The following NPAS2 variants were observed in gnomAD, a reference collection of about 807,000 sequenced individuals.
NPAS2 encodes the protein neuronal PAS domain-containing protein 2.
NPAS2 carries 23 observed loss-of-function variants against 107.5 expected under a neutral mutation model. The ratio of observed to expected loss-of-function variants is 0.21; its 90% CI spans 0.15 to 0.30. The LOEUF (loss-of-function observed/expected upper bound fraction) is 0.30, where lower values mean the gene tolerates loss of function less well. NPAS2 is among the 10% of genes least tolerant of loss of function. The pLI, the probability that NPAS2 is intolerant of heterozygous loss-of-function variation, is 1.00. For missense variants in NPAS2, 756 were observed against 1,043.3 expected (o/e 0.72, Z 3.79); for synonymous variants, 403 against 417.5 (o/e 0.97, Z 0.42).
intron 14 of NPAS2, 40 bp downstream of exon 14, chr2:100,975,607 A>G (rs377634917): frequency 8.1e-5 from 118 of 1,450,414 alleles, no homozygotes; most frequent in Non-Finnish European, 1.1e-4. Flanking sequence ...GGTGTACGCT[A>G]CAATGTGGTG....
At chr2:100,955,556 C>T (rs951592777) in intron 7 of NPAS2, among the ~76,000 whole-genome samples, 28 of 152,150 alleles carry the variant, frequency 1.8e-4, no homozygotes, top group African/African-American at 5.3e-4. Context: ...ATAGAGTGCA[C>T]TTATATGCAG....
At chr2:100,933,507 G>T (rs1200909366) in intron 4 of NPAS2, among the ~76,000 whole-genome samples, 2 of 152,152 alleles carry the variant, frequency 1.3e-5, no homozygotes, top group African/African-American at 4.8e-5. Flanking sequence ...CAGGGATCCC[G>T]TGCCTCCCCA....
chr2:100,857,731 C>A (rs572015116), intron 1 of NPAS2, among the ~76,000 whole-genome samples: 1 of 152,352 alleles, frequency 6.6e-6, no homozygotes, highest in Admixed American at 6.5e-5. Flanking sequence ...TCTGTGCACC[C>A]GGCGTCTGCT....
intron 7 of NPAS2, 128 bp downstream of exon 7, chr2:100,949,608 C>T (rs3739005): frequency 0.52 from 325,247 of 625,044 alleles, 85,598 homozygotes; most frequent in Middle Eastern, 0.64. Flanking sequence ...TTTGAATTTT[C>T]GAGTTCCCAG....
At chr2:100,952,623 A>G in intron 7 of NPAS2, among the ~76,000 whole-genome samples, 1 of 152,142 alleles carries the variant, frequency 6.6e-6, no homozygotes, top group East Asian at 1.9e-4. Context: ...GGCGAACAGC[A>G]GTTGTATCCT....
At chr2:100,916,114 T>A (rs1230824145) in intron 2 of NPAS2, among the ~76,000 whole-genome samples, 1 of 151,542 alleles carries the variant, frequency 6.6e-6, no homozygotes, top group East Asian at 1.9e-4. Context: ...AAACAATAGA[T>A]AAATTAAAAT....
In NPAS2 at chr2:100,901,663, C is replaced by T. The variant is rs149799063; in HGVS notation, c.-22-3070C>T. On this transcript the variant is annotated intron_variant, in intron 1 of 20. Transcript: ENST00000335681. ...CCCTTCTTGTCCCTTCACTGAAGGC[C>T]GCCTCCTATGGGACACACTCCTTCC... 9.0e-4 allele frequency: 432 copies of T among 479,308 alleles called. 2 individuals are homozygous for T. Among genetic ancestry groups the T allele is most frequent in the African/African-American group, 8.5e-3 (404 of 47,514 alleles). The allele number at this position is 479,308 out of a possible 1,614,324, so 29.7% of individuals were successfully genotyped here. A position where few individuals can be genotyped will look rare whatever the true frequency, so the allele number is the denominator to read the frequency against.
At chr2:100,971,560 C>T (rs1326309198) in intron 12 of NPAS2, among the ~76,000 whole-genome samples, 1 of 152,200 alleles carries the variant, frequency 6.6e-6, no homozygotes, top group Non-Finnish European at 1.5e-5. Flanking sequence ...ACTGCCCTCA[C>T]GCCACTCTCC....
At chr2:100,868,090 A>G (rs1339122946) in intron 1 of NPAS2, among the ~76,000 whole-genome samples, 1 of 152,190 alleles carries the variant, frequency 6.6e-6, no homozygotes, top group Non-Finnish European at 1.5e-5. Flanking sequence ...GAAGCACACT[A>G]TATTTCCTCA....
rs760255062 is a variant in NPAS2, at chr2:100,937,856, C to A, written c.363+14C>A. Reference sequence around the variant, plus strand: ...GGGCATTTACCGGTGAGTTTCCACTCCAATGGCCTTTACCGGTTCACGTTA... The same window carrying A: ...GGGCATTTACCGGTGAGTTTCCACTACAATGGCCTTTACCGGTTCACGTTA... On this transcript the variant is annotated intron_variant, in intron 5 of 20. Coordinates refer to ENST00000335681, the MANE Select transcript of NPAS2 (RefSeq NM_002518.4). The A allele has an allele frequency of 3.8e-6, 6 of 1,569,470 alleles. No homozygotes were observed. The highest frequency in any genetic ancestry group is 5.3e-6 in the Non-Finnish European group (6 of 1,139,222).
chr2:100,893,792 G>A (rs554219173), intron 1 of NPAS2, among the ~76,000 whole-genome samples: 16 of 152,304 alleles, frequency 1.1e-4, no homozygotes, highest in South Asian at 8.3e-4. Context: ...TCATTTACAT[G>A]TTGTCTATGG....
chr2:100,922,098 G>A (rs539392920), intron 2 of NPAS2, among the ~76,000 whole-genome samples: 23 of 152,292 alleles, frequency 1.5e-4, no homozygotes, highest in African/African-American at 5.5e-4. Flanking sequence ...TACACTACCA[G>A]CAGATCAGTG....
intron 1 of NPAS2, among the ~76,000 whole-genome samples, chr2:100,883,069 C>G (rs569497666): frequency 6.6e-6 from 1 of 152,204 alleles, no homozygotes; most frequent in Non-Finnish European, 1.5e-5. Context: ...AACAGCTCCA[C>G]AGCAGTGTCT....
At chr2:100,863,332 G>C (rs1679055423) in intron 1 of NPAS2, among the ~76,000 whole-genome samples, 1 of 152,174 alleles carries the variant, frequency 6.6e-6, no homozygotes, top group South Asian at 2.1e-4. Flanking sequence ...GGGTTGCTTG[G>C]TTGATTAGTT....
chr2:100,893,038 A>G (rs1468057447), intron 1 of NPAS2, among the ~76,000 whole-genome samples: 1 of 152,160 alleles, frequency 6.6e-6, no homozygotes, highest in Non-Finnish European at 1.5e-5. Context: ...ATCTTTTCTC[A>G]CTGAATGAAT....
In NPAS2 at chr2:100,864,416, C is replaced by T. The variant is rs1278080694; in HGVS notation, c.-22-40317C>T. On this transcript the variant is annotated intron_variant, in intron 1 of 20. Transcript: ENST00000335681. ...TAATAATATTCGGATATAAATAAAGCCTCTCCCGCATTTAATGGTGCTGGG... is the reference window on the plus strand; with the variant it reads ...TAATAATATTCGGATATAAATAAAGTCTCTCCCGCATTTAATGGTGCTGGG... Among the ~76,000 whole-genome samples the T allele has an allele frequency of 2.0e-5, 3 of 152,134 alleles. No individual in the cohort carries two copies. The East Asian group carries it at 5.8e-4, about 29-fold the overall frequency.
chr2:100,967,545 G>A (rs551314012), intron 10 of NPAS2, among the ~76,000 whole-genome samples: 2 of 152,186 alleles, frequency 1.3e-5, no homozygotes, highest in African/African-American at 2.4e-5. Flanking sequence ...CTTTTGTAGC[G>A]TTAGTTTCCT....
chr2:100,953,373 C>CAAA (rs1434208420), intron 7 of NPAS2, among the ~76,000 whole-genome samples: 1 of 126,444 alleles, frequency 7.9e-6, no homozygotes, highest in South Asian at 2.5e-4. Context: ...AACTCCATCT[C>CAAA]ATAAAAAAAA....
In NPAS2 at chr2:100,937,426, G is replaced by C. The variant is rs866228940; in HGVS notation, c.274-327G>C. 7.2e-5 allele frequency among the ~76,000 whole-genome samples: 11 copies of C among 152,200 alleles called. No individual in the cohort carries two copies. In the South Asian group the frequency reaches 2.3e-3, roughly 31 times the overall value. ...TGGCTGATGTTTTCTAATGGCAAGG[G>C]TGGTATTTCTGAATCAGGCTAATAA... On this transcript the variant is annotated intron_variant, in intron 4 of 20. Coordinates refer to ENST00000335681, the MANE Select transcript of NPAS2 (RefSeq NM_002518.4).
Sources: gnomAD v4.1 joint callset for allele counts (sites outside exome capture counted in the v4.1 genomes callset) on GRCh38, gnomAD v4.1.1 for gene constraint, MANE v1.5 for transcripts, NCBI Gene and HGNC (gene_info 2026-07-23, HGNC 2026-07-21) for gene names.